ADGRB2: variants seen among roughly 807,000 people sequenced by gnomAD.
ADGRB2 encodes adhesion G protein-coupled receptor B2.
In ADGRB2, 47 loss-of-function variants were observed where a neutral mutation model predicts 178.7. The observed-to-expected ratio is 0.26, with a 90% CI of 0.21 to 0.34. The LOEUF is 0.34. ADGRB2 is among the 10% of genes least tolerant of loss of function. The pLI, the probability that ADGRB2 is intolerant of heterozygous loss-of-function variation, is 1.00. For synonymous variants in ADGRB2, 870 were observed against 912.4 expected, an observed-to-expected ratio of 0.95 and a Z score of 0.84; for missense variants, 1,584 against 2,180.8, an observed-to-expected ratio of 0.73 and a Z score of 5.45.
chr1:31,729,875 C>T (rs1258707387), intron 29 of ADGRB2, among the ~76,000 whole-genome samples: 1 of 152,234 alleles, frequency 6.6e-6, no homozygotes, highest in Non-Finnish European at 1.5e-5. Flanking sequence ...CCTGTTTTTG[C>T]CATCTGTGGC....
rs2297600 is a variant in ADGRB2, at chr1:31,741,980, T to A, written c.1418-13A>T. The A allele has an allele frequency of 6.3e-7, 1 of 1,582,266 alleles. No homozygotes were observed. Among genetic ancestry groups the A allele is most frequent in the Admixed American group, 1.7e-5 (1 of 58,296 alleles). Reference sequence around the variant, plus strand: ...TTGCTATCAGTGGCTGTGGGAGAGGTGAGGCATATGAGTGGGCCCAGGTAC... The same window carrying A: ...TTGCTATCAGTGGCTGTGGGAGAGGAGAGGCATATGAGTGGGCCCAGGTAC... On this transcript the variant is annotated splice_polypyrimidine_tract_variant and intron_variant, in intron 8 of 32. Transcript: ENST00000373658. This position sits in a 1 kb window ranked among gnomAD's most constrained non-coding sequence, Gnocchi z 6.5.
Position 31,728,071 on chromosome 1 carries a change from C to T in ADGRB2, c.4526G>A (p.Arg1509Gln), listed in dbSNP as rs1157571395. ...TGCCCCACCCGAGGACACACTCCAC[C>T]GCTTCTCCCTCTGCAACGGGGGCCA... ...RSQSTAKREK[R>Q]WSVSSGGAAE... is the part of the protein sequence containing the mutation. The change falls in exon 32 of 33, where the codon CGG (arginine) becomes CAG (glutamine). Residue 1509 changes from arginine (R) to glutamine (Q), a missense_variant. By Grantham distance (43) the Arg-to-Gln change is conservative (BLOSUM62 1). Coordinates refer to ENST00000373658, the MANE Select transcript of ADGRB2 (RefSeq NM_001364857.2). This position sits in a 1 kb window ranked among gnomAD's most constrained non-coding sequence, Gnocchi z 6.7. The T allele has an allele frequency of 5.0e-6, 8 of 1,603,160 alleles. No homozygotes were observed. Among genetic ancestry groups the T allele is most frequent in the Admixed American group, 1.7e-5 (1 of 58,742 alleles).
At position 31,741,683 on chromosome 1, in the gene ADGRB2, G is replaced by T; in HGVS notation, c.1628C>A (p.Thr543Lys). 6.2e-7 allele frequency: 1 copy of T among 1,614,024 alleles called. No homozygotes were observed. ...CTCGCCAGCAGCTGCCTTCTTCCAC[G>T]TCATCAGCATCACGTACTCATCCCT... ...MCRDEYVMLM[T>K]WKKAAAGEII... The change falls in exon 10 of 33, where the codon ACG (threonine) becomes AAG (lysine). Residue 543 changes from threonine (T) to lysine (K), a missense_variant. Coordinates refer to ENST00000373658, the MANE Select transcript of ADGRB2 (RefSeq NM_001364857.2). This position sits in a 1 kb window ranked among gnomAD's most constrained non-coding sequence, Gnocchi z 6.5.
At chr1:31,757,170 G>A (rs570320715) in intron 3 of ADGRB2, 31 bp downstream of exon 3, 29 of 1,613,930 alleles carry the variant, frequency 1.8e-5, no homozygotes, top group Admixed American at 3.3e-5. Context: ...AAGCATATTC[G>A]CCTTGCATTC....
Position 31,727,159 on chromosome 1 carries a change from C to T in ADGRB2, c.*261G>A, listed in dbSNP as rs575655428. On this transcript the variant is annotated 3_prime_UTR_variant, in exon 33 of 33. Coordinates refer to ENST00000373658, the MANE Select transcript of ADGRB2 (RefSeq NM_001364857.2). The surrounding 1 kb of genome is among the most constrained non-coding windows in gnomAD (Gnocchi z 4.4). ...ATTCCCAACAAAGTTCCCCTCCCCC[C>T]TCCCCAGCCCGGGACAGGGACGGAC... 5 of 438,300 alleles carry T rather than the reference C, an allele frequency of 1.1e-5. No homozygotes were observed. The highest frequency in any genetic ancestry group is 7.2e-5 in the South Asian group (2 of 27,714). 27.2% of individuals were successfully genotyped at this position (438,300 alleles called of 1,614,324 possible). A position where few individuals can be genotyped will look rare whatever the true frequency, so the allele number is the denominator to read the frequency against.
At chr1:31,730,757 GAC>G in intron 29 of ADGRB2, 41 bp downstream of exon 29, 3 of 1,417,686 alleles carry the variant, frequency 2.1e-6, no homozygotes, top group South Asian at 1.9e-5. Context: ...GCCTGTGATT[GAC>G]ACAGTCTCAG....
At chr1:31,763,028 C>G (rs554271527) in intron 1 of ADGRB2, among the ~76,000 whole-genome samples, 1 of 152,358 alleles carries the variant, frequency 6.6e-6, no homozygotes, top group African/African-American at 2.4e-5. Flanking sequence ...CCTACAACCC[C>G]CTCCGGATCA....
At position 31,739,434 on chromosome 1, in the gene ADGRB2, C is replaced by A. The variant is rs1435838954; in HGVS notation, c.2369G>T (p.Gly790Val). Reference sequence around the variant, plus strand: ...GTGGCCTGGGCCAGGAGGCACCGTTCCTGGGCCCCTCCCCCTGCCAGGGCT... The same window carrying A: ...GTGGCCTGGGCCAGGAGGCACCGTTACTGGGCCCCTCCCCCTGCCAGGGCT... ...AGSPGRGRGP[G>V]TVPPGPGHSH... Residue 790 changes from glycine to valine, a missense_variant, in exon 15 of 33, where the codon GGA becomes GTA. By Grantham distance (109) the Gly-to-Val change is moderately radical. Transcript: ENST00000373658. The A allele has an allele frequency of 6.3e-7, 1 of 1,586,648 alleles. No individual in the cohort carries two copies. The highest frequency in any genetic ancestry group is 1.8e-5 in the Admixed American group (1 of 56,160).
chr1:31,737,794 A>AGG, intron 18 of ADGRB2, 39 bp from the exon 19 acceptor site: 1 of 1,582,088 alleles, frequency 6.3e-7, no homozygotes, highest in East Asian at 2.2e-5. Flanking sequence ...GGTTCCTGGG[A>AGG]GGGGGGAGCT....
chr1:31,729,109 T>C (rs887118834), intron 29 of ADGRB2, among the ~76,000 whole-genome samples: 2 of 152,108 alleles, frequency 1.3e-5, no homozygotes. Flanking sequence ...CCCTGGCCTC[T>C]CTGCTCCCTC....
chr1:31,745,338 G>A (rs1278925680), intron 4 of ADGRB2, among the ~76,000 whole-genome samples: 1 of 152,174 alleles, frequency 6.6e-6, no homozygotes, highest in Non-Finnish European at 1.5e-5. Context: ...GAGACCCAAG[G>A]GGCCTAGGAC....
In ADGRB2 at chr1:31,728,056, G is replaced by A. The variant is rs138967196; in HGVS notation, c.4541C>T (p.Ser1514Leu). 2.7e-5 allele frequency: 43 copies of A among 1,595,912 alleles called. No homozygotes were observed. The highest frequency in any genetic ancestry group is 6.9e-5 in the Admixed American group (4 of 57,824). ...CACGCTCCGCTCGGCTGCCCCACCC[G>A]AGGACACACTCCACCGCTTCTCCCT... ...AKREKRWSVSSGGAAERSVCT... is the reference protein window; with the variant it reads ...AKREKRWSVSLGGAAERSVCT... The change falls in exon 32 of 33, where the codon TCG (serine) becomes TTG (leucine). Residue 1514 changes from serine to leucine, a missense_variant. By Grantham distance (145) the Ser-to-Leu change is moderately radical. Around this residue, in one of 3 missense-constraint regions of ADGRB2, gnomAD observed 865 missense variants for 1,192.8 expected, o/e 0.73. Coordinates refer to ENST00000373658, the MANE Select transcript of ADGRB2 (RefSeq NM_001364857.2). The surrounding 1 kb of genome is among the most constrained non-coding windows in gnomAD (Gnocchi z 6.7).
intron 28 of ADGRB2, 81 bp from the exon 29 acceptor site, chr1:31,731,500 C>T: frequency 1.3e-6 from 2 of 1,492,064 alleles, no homozygotes; most frequent in Non-Finnish European, 1.8e-6. Flanking sequence ...TGGGGAGGTA[C>T]CAAGCTTCTG....
chr1:31,734,494 C>T (rs1220816587), intron 25 of ADGRB2, among the ~76,000 whole-genome samples: 1 of 152,230 alleles, frequency 6.6e-6, no homozygotes, highest in Non-Finnish European at 1.5e-5. Context: ...TCCAGAGGCC[C>T]TGAGCTCCCT....
Position 31,735,493 on chromosome 1 carries a change from T to G in ADGRB2, c.3353+87A>C. The stretch of plus-strand genomic sequence containing the variant: ...AGGTTGGGGAGCCCCGGTCGCATCA[T>G]CGAGCCCTGAGTCTCCAAGAGCACC... On this transcript the variant is annotated intron_variant, in intron 24 of 32. Transcript: ENST00000373658. This position sits in a 1 kb window ranked among gnomAD's most constrained non-coding sequence, Gnocchi z 6.0. 1.3e-6 allele frequency: 2 copies of G among 1,506,920 alleles called. No homozygotes were observed. The highest frequency in any genetic ancestry group is 1.8e-6 in the Non-Finnish European group (2 of 1,096,162). The allele number at this position is 1,506,920 out of a possible 1,614,324, so 93.3% of individuals were successfully genotyped here.
At chr1:31,737,991 A>C (rs1645718589) in intron 18 of ADGRB2, among the ~76,000 whole-genome samples, 1 of 152,272 alleles carries the variant, frequency 6.6e-6, no homozygotes, top group South Asian at 2.1e-4. Flanking sequence ...ACACACACAC[A>C]CACAACTGGC....
chr1:31,737,984 C>T (rs961112719), intron 18 of ADGRB2, among the ~76,000 whole-genome samples: 2 of 152,196 alleles, frequency 1.3e-5, no homozygotes, highest in Admixed American at 6.5e-5. Flanking sequence ...CATGTGCACA[C>T]ACACACACAC....
In ADGRB2 at chr1:31,735,374, G is replaced by A; in HGVS notation, c.3354-93C>T. Reference sequence around the variant, plus strand: ...GAGCCCCGAGTGGGGTGGGAGGGGAGGGCAGACGAGAGAGAGAGAGCTGGG... The same window carrying A: ...GAGCCCCGAGTGGGGTGGGAGGGGAAGGCAGACGAGAGAGAGAGAGCTGGG... On this transcript the variant is annotated intron_variant, in intron 24 of 32. Coordinates refer to ENST00000373658, the MANE Select transcript of ADGRB2 (RefSeq NM_001364857.2). This position sits in a 1 kb window ranked among gnomAD's most constrained non-coding sequence, Gnocchi z 6.0. 2 of 1,158,758 alleles carry A rather than the reference G, an allele frequency of 1.7e-6. No homozygotes were observed. Among genetic ancestry groups the A allele is most frequent in the South Asian group, 1.3e-5 (1 of 75,542 alleles). 71.8% of individuals were successfully genotyped at this position (1,158,758 alleles called of 1,614,324 possible).
chr1:31,731,685 C>T (rs1425503034), intron 28 of ADGRB2, among the ~76,000 whole-genome samples: 3 of 152,180 alleles, frequency 2.0e-5, no homozygotes, highest in Non-Finnish European at 2.9e-5. Context: ...GACTTTGACC[C>T]CACAGCCCCA....
Sources: gnomAD v4.1 joint callset for allele counts (sites outside exome capture counted in the v4.1 genomes callset) on GRCh38, gnomAD v4.1.1 for gene constraint, gnomAD v4.1.1 regional missense constraint, Gnocchi (gnomAD v3.1) non-coding constraint, MANE v1.5 for transcripts, NCBI Gene and HGNC (gene_info 2026-07-23, HGNC 2026-07-21) for gene names.